STAG1: variants seen among roughly 807,000 people sequenced by gnomAD.
STAG1 encodes the protein STAG1 cohesin complex component.
STAG1 carries 26 observed loss-of-function variants against 170.9 expected under a neutral mutation model. That is an observed-to-expected ratio of 0.15 (90% CI 0.11 to 0.21). The LOEUF (loss-of-function observed/expected upper bound fraction) is 0.21. STAG1 is among the 10% of genes least tolerant of loss of function. The pLI is 1.00. For missense variants in STAG1, 964 were observed against 1,509.5 expected, an observed-to-expected ratio of 0.64 and a Z score of 5.99; for synonymous variants, 514 against 497.7, an observed-to-expected ratio of 1.03 and a Z score of -0.44.
chr3:136,661,105 C>T (rs1484717114), intron 1 of STAG1, among the ~76,000 whole-genome samples: 2 of 152,190 alleles, frequency 1.3e-5, no homozygotes, highest in African/African-American at 2.4e-5. Context: ...CAACAAACCA[C>T]CATAGCAATG....
intron 1 of STAG1, among the ~76,000 whole-genome samples, chr3:136,635,712 T>C (rs924647086): frequency 6.6e-6 from 1 of 151,928 alleles, no homozygotes; most frequent in Non-Finnish European, 1.5e-5. Context: ...ATATAGAAAA[T>C]CTGAAAGAAC....
intron 7 of STAG1, among the ~76,000 whole-genome samples, chr3:136,509,568 GAA>G (rs953922218): frequency 3.9e-5 from 6 of 152,018 alleles, no homozygotes; most frequent in Admixed American, 2.6e-4. Context: ...TTATAATAAA[GAA>G]TGATAAAATC....
chr3:136,594,649 A>G (rs1231346268), intron 4 of STAG1, among the ~76,000 whole-genome samples: 1 of 152,220 alleles, frequency 6.6e-6, no homozygotes, highest in Non-Finnish European at 1.5e-5. Flanking sequence ...TGATTGGTAT[A>G]AACTATTTCT....
At chr3:136,678,859 A>G (rs1273578842) in intron 1 of STAG1, among the ~76,000 whole-genome samples, 1 of 150,996 alleles carries the variant, frequency 6.6e-6, no homozygotes, top group Non-Finnish European at 1.5e-5. Context: ...ACAAAAAAAA[A>G]AAAAAAAGAA....
rs530680641 is a variant in STAG1, at chr3:136,549,504, T to C, written c.395-7309A>G. On this transcript the variant is annotated intron_variant, in intron 5 of 33. Coordinates refer to ENST00000383202, the MANE Select transcript of STAG1 (RefSeq NM_005862.3). ...TTTGTAGAGACAGGGTTTCACCATG[T>C]TGGCCAGGCTGGTCTTGAACTCCTG... Among the ~76,000 whole-genome samples the C allele has an allele frequency of 4.6e-5, 7 of 152,264 alleles. No individual in the cohort carries two copies. The East Asian group carries it at 1.2e-3, about 25-fold the overall frequency.
chr3:136,666,074 CAAAAAAAAAAAAAAAAAAA>C (rs576009223), intron 1 of STAG1, among the ~76,000 whole-genome samples: 857 of 51,178 alleles, frequency 0.017, 14 homozygotes, highest in Non-Finnish European at 0.025. Flanking sequence ...GACTCCATCT[CAAAAAAAAAAAAAAAAAAA>C]AAAAAAAAAA....
chr3:136,388,447 CA>C (rs2086924492), intron 22 of STAG1, among the ~76,000 whole-genome samples: 1 of 152,168 alleles, frequency 6.6e-6, no homozygotes, highest in Non-Finnish European at 1.5e-5. Flanking sequence ...TGGCTCACTG[CA>C]ACCTCCGCCT....
chr3:136,424,368 C>T (rs1318485215), intron 16 of STAG1, among the ~76,000 whole-genome samples: 1 of 138,888 alleles, frequency 7.2e-6, no homozygotes, highest in Non-Finnish European at 1.5e-5. Flanking sequence ...CTTGTTGTGA[C>T]ACCCAGGCTG....
chr3:136,627,851 T>A (rs959844768), intron 2 of STAG1, among the ~76,000 whole-genome samples: 1 of 152,274 alleles, frequency 6.6e-6, no homozygotes, highest in Non-Finnish European at 1.5e-5. Flanking sequence ...CCTCTTTCTA[T>A]CTCCAGGGTA....
intron 3 of STAG1, among the ~76,000 whole-genome samples, chr3:136,604,791 C>T (rs1382726465): frequency 1.3e-5 from 2 of 152,070 alleles, no homozygotes; most frequent in Admixed American, 6.6e-5. Flanking sequence ...GCTGAGATTA[C>T]AGACCCCACC....
chr3:136,709,459 G>T (rs1351863500), intron 1 of STAG1, among the ~76,000 whole-genome samples: 1 of 151,968 alleles, frequency 6.6e-6, no homozygotes, highest in Non-Finnish European at 1.5e-5. Context: ...AATCAATGAA[G>T]GGGCCCAGCT....
intron 5 of STAG1, among the ~76,000 whole-genome samples, chr3:136,565,612 A>G (rs1295614413): frequency 3.9e-5 from 6 of 152,200 alleles, no homozygotes; most frequent in Non-Finnish European, 1.5e-5. Flanking sequence ...TGTGGAAAAC[A>G]GTTTGGTGGT....
At chr3:136,725,637 G>A (rs948371898) in intron 1 of STAG1, among the ~76,000 whole-genome samples, 2 of 152,200 alleles carry the variant, frequency 1.3e-5, no homozygotes, top group Non-Finnish European at 2.9e-5. Flanking sequence ...GACACATGCA[G>A]AAGGACAGCC....
At chr3:136,423,998 G>T (rs1484396447) in intron 16 of STAG1, among the ~76,000 whole-genome samples, 1 of 151,810 alleles carries the variant, frequency 6.6e-6, no homozygotes, top group Non-Finnish European at 1.5e-5. Context: ...TGAGTAGCTG[G>T]GACTATGGGT....
intron 5 of STAG1, among the ~76,000 whole-genome samples, chr3:136,547,475 T>C (rs180855345): frequency 5.5e-4 from 83 of 152,268 alleles, no homozygotes; most frequent in Non-Finnish European, 7.4e-4. Flanking sequence ...TACACATTAT[T>C]AGCAATTTCC....
rs191978032 is a variant in STAG1, at chr3:136,372,235, A to T, written c.2371-2953T>A. 1.3e-3 allele frequency among the ~76,000 whole-genome samples: 200 copies of T among 152,348 alleles called. 1 individual carries two copies. Among genetic ancestry groups the T allele is most frequent in the African/African-American group, 4.7e-3 (195 of 41,582 alleles). On this transcript the variant is annotated intron_variant, in intron 23 of 33. Transcript: ENST00000383202. The stretch of plus-strand genomic sequence containing the variant: ...CTTTGCTGAAGCTGCTTATCAGCTT[A>T]AGGAGATTTTGGGCTGAGACGATGG...
At chr3:136,615,386 T>C (rs9832572) in intron 3 of STAG1, among the ~76,000 whole-genome samples, 53,485 of 133,320 alleles carry the variant, frequency 0.4, 11,113 homozygotes, top group African/African-American at 0.58. Flanking sequence ...TGAGATCGTG[T>C]CACTGCACTC....
chr3:136,413,846 T>C (rs73224192), intron 21 of STAG1, among the ~76,000 whole-genome samples: 3,927 of 152,122 alleles, frequency 0.026, 78 homozygotes, highest in Non-Finnish European at 0.041. Flanking sequence ...AATATACAAA[T>C]ACATAGGTGT....
chr3:136,647,346 G>A (rs1455431385), intron 1 of STAG1, among the ~76,000 whole-genome samples: 3 of 152,236 alleles, frequency 2.0e-5, no homozygotes, highest in Admixed American at 1.3e-4. Flanking sequence ...CCAGGCGGGC[G>A]ATCACCTGAG....
Sources: allele counts gnomAD v4.1 joint callset (sites outside exome capture counted in the v4.1 genomes callset), GRCh38; gene constraint gnomAD v4.1.1; transcripts MANE v1.5; gene names NCBI Gene and HGNC (gene_info 2026-07-23, HGNC 2026-07-21).